The following WWOX variants were observed in gnomAD, a reference collection of about 807,000 sequenced individuals.
The protein encoded by WWOX is WW domain-containing oxidoreductase.
In WWOX, 69 loss-of-function variants were observed where a neutral mutation model predicts 46.2. That is an observed-to-expected ratio of 1.49 (90% CI 1.23 to 1.82). The LOEUF (loss-of-function observed/expected upper bound fraction) is 1.82, where lower values mean the gene tolerates loss of function less well. WWOX is among the 40% of genes most tolerant of loss of function. The pLI, the probability that WWOX is intolerant of heterozygous loss-of-function variation, is 0.00. For synonymous variants in WWOX, 359 were observed against 202.6 expected (o/e 1.77, Z -6.56); for missense variants, 919 against 542.6 (o/e 1.69, Z -6.89).
At chr16:79,160,464 C>G (rs916585450) in intron 8 of WWOX, among the ~76,000 whole-genome samples, 1 of 151,724 alleles carries the variant, frequency 6.6e-6, no homozygotes, top group Non-Finnish European at 1.5e-5. Context: ...GATGAACCCT[C>G]GATATTAATA....
intron 5 of WWOX, among the ~76,000 whole-genome samples, chr16:78,313,491 G>A (rs535775673): frequency 6.6e-6 from 1 of 152,226 alleles, no homozygotes; most frequent in South Asian, 2.1e-4. Flanking sequence ...TTGGCCCCTG[G>A]AGTAGCTGAG....
chr16:78,322,817 C>T (rs61704146), intron 5 of WWOX, among the ~76,000 whole-genome samples: 53,085 of 152,002 alleles, frequency 0.35, 9,662 homozygotes, highest in East Asian at 0.61. Flanking sequence ...ATGGACGCTA[C>T]GTAAGAAAAT....
At chr16:78,101,718 C>G (rs977586247) in intron 1 of WWOX, among the ~76,000 whole-genome samples, 3 of 152,298 alleles carry the variant, frequency 2.0e-5, no homozygotes, top group African/African-American at 4.8e-5. Context: ...AGGATGTGAA[C>G]CACTGCTGCC....
At chr16:78,825,294 T>A in intron 8 of WWOX, 1 of 292,288 alleles carries the variant, frequency 3.4e-6, no homozygotes, top group South Asian at 4.2e-5. Context: ...GCCGCGCGAA[T>A]TTCCAAGAAG....
chr16:78,648,696 C>T (rs548572802), intron 8 of WWOX, among the ~76,000 whole-genome samples: 2 of 152,320 alleles, frequency 1.3e-5, no homozygotes, highest in Non-Finnish European at 2.9e-5. Context: ...TCCCCATGTC[C>T]ACAGCCTCCA....
At chr16:79,150,237 A>T (rs7190400) in intron 8 of WWOX, among the ~76,000 whole-genome samples, 11 of 151,982 alleles carry the variant, frequency 7.2e-5, no homozygotes, top group African/African-American at 2.7e-4. Flanking sequence ...GAACTGTCAA[A>T]GAGCAGCACT....
At chr16:78,477,722 A>G (rs1281192901) in intron 8 of WWOX, among the ~76,000 whole-genome samples, 1 of 152,218 alleles carries the variant, frequency 6.6e-6, no homozygotes, top group Non-Finnish European at 1.5e-5. Context: ...TACTTGATGT[A>G]AAACCATGTT....
chr16:79,081,449 C>A (rs1279103954), intron 8 of WWOX, among the ~76,000 whole-genome samples: 1 of 152,196 alleles, frequency 6.6e-6, no homozygotes. Flanking sequence ...CAGGCATGAG[C>A]CTAACTATCC....
intron 8 of WWOX, among the ~76,000 whole-genome samples, chr16:78,721,661 TAAAG>T (rs1191606919): frequency 6.6e-6 from 1 of 152,180 alleles, no homozygotes; most frequent in Non-Finnish European, 1.5e-5. Flanking sequence ...TGTGTGACCT[TAAAG>T]AAATAAATTG....
intron 8 of WWOX, among the ~76,000 whole-genome samples, chr16:78,673,219 A>G (rs923992482): frequency 6.6e-6 from 1 of 152,122 alleles, no homozygotes; most frequent in Non-Finnish European, 1.5e-5. Flanking sequence ...TAAAACAGGA[A>G]TTTTCAGAGC....
intron 8 of WWOX, among the ~76,000 whole-genome samples, chr16:78,915,384 C>T (rs746240299): frequency 3.9e-5 from 6 of 152,120 alleles, no homozygotes; most frequent in Non-Finnish European, 8.8e-5. Context: ...GGAGATTTTT[C>T]CATCTAAATA....
chr16:78,270,326 G>C (rs1259777455), intron 5 of WWOX: 2 of 152,154 alleles, frequency 1.3e-5, no homozygotes, highest in Admixed American at 6.5e-5. Context: ...AAACTTGCAA[G>C]GTACAGATAG....
At chr16:78,364,750 G>A (rs1476218637) in intron 5 of WWOX, among the ~76,000 whole-genome samples, 5 of 152,170 alleles carry the variant, frequency 3.3e-5, no homozygotes, top group Non-Finnish European at 1.5e-5. Flanking sequence ...AAGGATTAAT[G>A]TGCTACCCTG....
chr16:78,621,468 C>G (rs1219247911), intron 8 of WWOX, among the ~76,000 whole-genome samples: 2 of 151,928 alleles, frequency 1.3e-5, no homozygotes, highest in East Asian at 3.9e-4. Flanking sequence ...CTTCCAGTTG[C>G]ATCTCTCCCT....
At chr16:78,449,922 C>G (rs1257979365) in intron 8 of WWOX, among the ~76,000 whole-genome samples, 1 of 151,028 alleles carries the variant, frequency 6.6e-6, no homozygotes, top group Non-Finnish European at 1.5e-5. Flanking sequence ...AGCCATAAAG[C>G]TTGGTAAGGC....
At chr16:78,827,553 C>T (rs1052808892) in intron 8 of WWOX, among the ~76,000 whole-genome samples, 1 of 152,034 alleles carries the variant, frequency 6.6e-6, no homozygotes, top group African/African-American at 2.4e-5. Context: ...GAAAAAGGGG[C>T]TGGGTGTGGT....
At chr16:78,657,541 C>G (rs576844219) in intron 8 of WWOX, among the ~76,000 whole-genome samples, 7 of 152,202 alleles carry the variant, frequency 4.6e-5, no homozygotes, top group Non-Finnish European at 1.0e-4. Context: ...AGTCTAACCC[C>G]TCCTCTAGTT....
chr16:78,932,790 G>T (rs1323302249), intron 8 of WWOX, among the ~76,000 whole-genome samples: 1 of 152,154 alleles, frequency 6.6e-6, no homozygotes, highest in African/African-American at 2.4e-5. Context: ...ACTCAGGCTG[G>T]TCCCAAGCCC....
intron 5 of WWOX, among the ~76,000 whole-genome samples, chr16:78,290,058 T>G (rs903977367): frequency 6.6e-6 from 1 of 152,208 alleles, no homozygotes; most frequent in Non-Finnish European, 1.5e-5. Flanking sequence ...ACACACACTT[T>G]TAAGCATTTT....
Sources: gnomAD v4.1 joint callset for allele counts (sites outside exome capture counted in the v4.1 genomes callset) on GRCh38, gnomAD v4.1.1 for gene constraint, MANE v1.5 for transcripts, NCBI Gene and HGNC (gene_info 2026-07-23, HGNC 2026-07-21) for gene names.